The following SRGAP1 variants were observed in gnomAD, a reference collection of about 807,000 sequenced individuals.
SRGAP1 encodes the protein SLIT-ROBO Rho GTPase activating protein 1, also known as SLIT-ROBO Rho GTPase-activating protein 1.
SRGAP1 carries 43 observed loss-of-function variants against 121.9 expected under a neutral mutation model. That is an observed-to-expected ratio of 0.35 (90% CI 0.28 to 0.46). The LOEUF is 0.46. SRGAP1 is among the 20% of genes least tolerant of loss of function. The pLI is 1.00. For missense variants in SRGAP1, 1,102 were observed against 1,350.9 expected, an observed-to-expected ratio of 0.82 and a Z score of 2.89; for synonymous variants, 447 against 485.4, an observed-to-expected ratio of 0.92 and a Z score of 1.04.
chr12:63,848,847 CTT>C (rs1182764958), intron 1 of SRGAP1, among the ~76,000 whole-genome samples: 1 of 151,878 alleles, frequency 6.6e-6, no homozygotes, highest in Non-Finnish European at 1.5e-5. Context: ...TTTGCTTTCA[CTT>C]TTTTTTCATA....
chr12:64,031,451 C>A (rs567571535), intron 4 of SRGAP1, among the ~76,000 whole-genome samples: 1 of 151,862 alleles, frequency 6.6e-6, no homozygotes, highest in Admixed American at 6.6e-5. Flanking sequence ...GATTCAATAT[C>A]AGTAGAATTT....
chr12:64,025,090 G>A (rs1378485605), intron 4 of SRGAP1, among the ~76,000 whole-genome samples: 1 of 151,564 alleles, frequency 6.6e-6, no homozygotes, highest in Non-Finnish European at 1.5e-5. Context: ...GTTGATGTGA[G>A]CACAGAATCT....
chr12:64,126,078 G>A lies in SRGAP1; in HGVS notation c.2326G>A (p.Ala776Thr), dbSNP rs1257184977. ...TGCCTCCCTGCTGCTGTATCACCGT[G>A]CATCTGAGGACTGGTGGGAAGGCAG... Reference protein sequence around the residue: ...KGASLLLYHRASEDWWEGRHN... With the variant: ...KGASLLLYHRTSEDWWEGRHN... The change falls in exon 19 of 22, where the codon GCA becomes ACA. Residue 776 changes from alanine (A) to threonine (T), a missense_variant. Physicochemically the swap from Ala to Thr is moderately conservative, Grantham distance 58 (BLOSUM62 0). Around this residue, in one of 3 missense-constraint regions of SRGAP1, gnomAD observed 40 missense variants for 78.4 expected, o/e 0.51. Coordinates refer to ENST00000355086, the MANE Select transcript of SRGAP1 (RefSeq NM_020762.4). 1 of 1,614,194 alleles carries A rather than the reference G, an allele frequency of 6.2e-7. No individual in the cohort carries two copies. Among genetic ancestry groups the A allele is most frequent in the Non-Finnish European group, 8.5e-7 (1 of 1,180,018 alleles).
In SRGAP1 at chr12:64,087,025, A is replaced by C; in HGVS notation, c.1435A>C (p.Arg479=). The C allele has an allele frequency of 6.3e-7, 1 of 1,588,966 alleles. No individual in the cohort carries two copies. Residue 479 remains arginine, a splice_region_variant and synonymous_variant, in exon 11 of 22, where the codon AGG becomes CGG. Transcript: ENST00000355086. ...EGHRAEYMTT[R]PPNVPPKPQK... ...TCATAGAGCTGAATATATGACTACA[A>C]GGTAGGAAAATATTTTATCATAACT...
intron 6 of SRGAP1, among the ~76,000 whole-genome samples, chr12:64,054,574 AT>A (rs1357172915): frequency 8.5e-5 from 13 of 152,186 alleles, no homozygotes; most frequent in Non-Finnish European, 1.9e-4. Context: ...TATTAGGAAG[AT>A]TATGGAGAGA....
chr12:64,132,236 G>A (rs1319951105), intron 21 of SRGAP1, among the ~76,000 whole-genome samples: 1 of 152,262 alleles, frequency 6.6e-6, no homozygotes, highest in Admixed American at 6.5e-5. Context: ...AATCCTAGAG[G>A]CCTCCGCTGT....
intron 1 of SRGAP1, among the ~76,000 whole-genome samples, chr12:63,919,507 TATATATATATATATACAC>T (rs961480366): frequency 2.0e-5 from 3 of 148,248 alleles, no homozygotes; most frequent in African/African-American, 7.8e-5. Flanking sequence ...TACATATATA[TATATATATATATATACAC>T]ATACACACAC....
chr12:64,142,919 A>C lies in SRGAP1; in HGVS notation c.*247A>C. 1 of 496,870 alleles carries C rather than the reference A, an allele frequency of 2.0e-6. No homozygotes were observed. Among genetic ancestry groups the C allele is most frequent in the South Asian group, 2.4e-5 (1 of 40,966 alleles). 30.8% of individuals were successfully genotyped at this position (496,870 alleles called of 1,614,324 possible). On this transcript the variant is annotated 3_prime_UTR_variant, in exon 22 of 22. Coordinates refer to ENST00000355086, the MANE Select transcript of SRGAP1 (RefSeq NM_020762.4). ...AATAGAAACACTTAGACTTACTTGAAAATCCAATGCTGCACCACTTGTAAT... is the reference window on the plus strand; with the variant it reads ...AATAGAAACACTTAGACTTACTTGACAATCCAATGCTGCACCACTTGTAAT...
chr12:64,120,325 G>T (rs1321172912), intron 18 of SRGAP1: 2 of 152,092 alleles, frequency 1.3e-5, no homozygotes, highest in African/African-American at 2.4e-5. Context: ...TCCAGAGAGG[G>T]TTTTCATGTA....
chr12:64,103,130 C>T (rs1370558489), intron 15 of SRGAP1, among the ~76,000 whole-genome samples: 1 of 152,094 alleles, frequency 6.6e-6, no homozygotes, highest in Non-Finnish European at 1.5e-5. Context: ...CAGGCGTGCA[C>T]CACCACACCC....
chr12:63,940,299 C>T (rs1330370306), intron 1 of SRGAP1, among the ~76,000 whole-genome samples: 2 of 151,804 alleles, frequency 1.3e-5, no homozygotes, highest in Non-Finnish European at 2.9e-5. Flanking sequence ...TTCTTCTCTC[C>T]TTCCATCCCC....
intron 1 of SRGAP1, among the ~76,000 whole-genome samples, chr12:63,930,791 C>T (rs926356076): frequency 1.3e-5 from 2 of 152,106 alleles, no homozygotes; most frequent in African/African-American, 4.8e-5. Flanking sequence ...AATGAAAAAG[C>T]CGCATATGGC....
At chr12:63,999,249 T>C (rs1211586138) in intron 3 of SRGAP1, among the ~76,000 whole-genome samples, 4 of 152,104 alleles carry the variant, frequency 2.6e-5, no homozygotes, top group Non-Finnish European at 5.9e-5. Flanking sequence ...AGAGAGATGA[T>C]TGGAGAAATA....
In SRGAP1 at chr12:63,952,614, T is replaced by G. The variant is rs542265132; in HGVS notation, c.68-31333T>G. On this transcript the variant is annotated intron_variant, in intron 1 of 21. Transcript: ENST00000355086. The stretch of plus-strand genomic sequence containing the variant: ...ATGAGAATCAGATGCATCCTGCCTT[T>G]GACACACCAAATAGAAGTTAGTCCC... Among the ~76,000 whole-genome samples, 6 of 152,308 alleles carry G rather than the reference T, an allele frequency of 3.9e-5. No individual in the cohort carries two copies. The East Asian group carries it at 7.7e-4, about 20-fold the overall frequency.
At chr12:63,975,320 A>G (rs1284574872) in intron 1 of SRGAP1, among the ~76,000 whole-genome samples, 1 of 152,184 alleles carries the variant, frequency 6.6e-6, no homozygotes. Flanking sequence ...AAGCCTGTCA[A>G]GTCCTCAAGG....
Position 63,952,978 on chromosome 12 carries a change from A to G in SRGAP1, c.68-30969A>G, listed in dbSNP as rs572892644. On this transcript the variant is annotated intron_variant, in intron 1 of 21. Transcript: ENST00000355086. Reference sequence around the variant, plus strand: ...AACACTTTTTAAACACTTTGCATGTATCATTTCATTTAATCTTTAAAACAA... The same window carrying G: ...AACACTTTTTAAACACTTTGCATGTGTCATTTCATTTAATCTTTAAAACAA... Among the ~76,000 whole-genome samples, 55 of 152,314 alleles carry G rather than the reference A, an allele frequency of 3.6e-4. No homozygotes were observed. The Middle Eastern group carries it at 0.014, about 38-fold the overall frequency.
chr12:64,111,533 C>A (rs11838032), intron 16 of SRGAP1, among the ~76,000 whole-genome samples: 14,277 of 152,016 alleles, frequency 0.094, 1,599 homozygotes, highest in African/African-American at 0.27. Flanking sequence ...TTATATTAAA[C>A]CCCCTCCTGA....
intron 1 of SRGAP1, among the ~76,000 whole-genome samples, chr12:63,867,682 A>G (rs912145867): frequency 3.9e-5 from 6 of 152,278 alleles, no homozygotes; most frequent in African/African-American, 1.2e-4. Flanking sequence ...TTTGTCATGT[A>G]GTAAGGGCTC....
At chr12:64,066,114 G>A (rs773989024) in intron 8 of SRGAP1, among the ~76,000 whole-genome samples, 5 of 152,222 alleles carry the variant, frequency 3.3e-5, no homozygotes, top group Non-Finnish European at 7.3e-5. Flanking sequence ...AGTGTTTGCA[G>A]TATCCTCAGA....
Sources: gnomAD v4.1 joint callset for allele counts (sites outside exome capture counted in the v4.1 genomes callset) on GRCh38, gnomAD v4.1.1 for gene constraint, gnomAD v4.1.1 regional missense constraint, MANE v1.5 for transcripts, NCBI Gene and HGNC (gene_info 2026-07-23, HGNC 2026-07-21) for gene names.